PRKN: variants seen among roughly 807,000 people sequenced by gnomAD.
PRKN encodes parkin RBR E3 ubiquitin protein ligase, also known as E3 ubiquitin-protein ligase parkin.
Under a neutral mutation model 59.5 loss-of-function variants are expected in PRKN, and 56 were observed. That is an observed-to-expected ratio of 0.94 (90% CI 0.76 to 1.18). PRKN has a LOEUF of 1.18. Among genes scored for constraint, PRKN ranks in the 50% most tolerant of loss-of-function variants. The pLI, the probability that PRKN is intolerant of heterozygous loss-of-function variation, is 0.00. For synonymous variants in PRKN, 250 were observed against 222.1 expected (o/e 1.13, Z -1.12); for missense variants, 657 against 596.4 (o/e 1.10, Z -1.06).
At chr6:162,469,258 C>T (rs770273072) in intron 1 of PRKN, among the ~76,000 whole-genome samples, 2 of 146,142 alleles carry the variant, frequency 1.4e-5, no homozygotes, top group Admixed American at 7.3e-5. Flanking sequence ...TCGAGATGGA[C>T]ACGAGGATCC....
At chr6:162,144,790 G>A (rs567126085) in intron 4 of PRKN, among the ~76,000 whole-genome samples, 4 of 152,134 alleles carry the variant, frequency 2.6e-5, no homozygotes, top group South Asian at 2.1e-4. Context: ...GTAAAGCTTC[G>A]GCACAGTGGA....
intron 2 of PRKN, among the ~76,000 whole-genome samples, chr6:162,330,289 A>C (rs746016765): frequency 2.6e-5 from 4 of 152,052 alleles, no homozygotes; most frequent in Admixed American, 6.5e-5. Context: ...GAAGCGGCAT[A>C]GTATGGTGGT....
chr6:161,770,898 G>C (rs1185705905), intron 7 of PRKN, among the ~76,000 whole-genome samples: 1 of 152,106 alleles, frequency 6.6e-6, no homozygotes, highest in African/African-American at 2.4e-5. Flanking sequence ...GGAGGACACA[G>C]GCAGGACGAT....
chr6:162,471,136 C>T (rs1020184336), intron 1 of PRKN, among the ~76,000 whole-genome samples: 10 of 151,152 alleles, frequency 6.6e-5, no homozygotes, highest in Non-Finnish European at 1.2e-4. Context: ...TTTTGCTTGT[C>T]ACCCAGGCTG....
At chr6:162,341,227 G>A (rs979480458) in intron 2 of PRKN, among the ~76,000 whole-genome samples, 1 of 152,160 alleles carries the variant, frequency 6.6e-6, no homozygotes, top group Admixed American at 6.5e-5. Flanking sequence ...ATGCCAGTTA[G>A]AATGGGGATC....
At chr6:162,510,904 T>C (rs7767381) in intron 1 of PRKN, among the ~76,000 whole-genome samples, 30,353 of 151,764 alleles carry the variant, frequency 0.2, 3,161 homozygotes, top group South Asian at 0.25. Context: ...CCCTGGGCAA[T>C]AGAGCGAGAC....
chr6:162,420,000 A>G (rs934817359), intron 2 of PRKN, among the ~76,000 whole-genome samples: 5 of 152,148 alleles, frequency 3.3e-5, no homozygotes, highest in Admixed American at 2.6e-4. Flanking sequence ...TTCTCCACAG[A>G]CTGGAGCAGG....
At chr6:161,851,490 T>G (rs1015680737) in intron 6 of PRKN, among the ~76,000 whole-genome samples, 10 of 146,032 alleles carry the variant, frequency 6.8e-5, no homozygotes, top group African/African-American at 1.7e-4. Context: ...GTTTTGTTTG[T>G]TTTTTTTTTG....
intron 9 of PRKN, among the ~76,000 whole-genome samples, chr6:161,496,541 AG>A (rs1777755110): frequency 6.6e-6 from 1 of 152,262 alleles, no homozygotes; most frequent in South Asian, 2.1e-4. Context: ...GAGCATGTGC[AG>A]GGGACCTCCC....
At chr6:161,653,018 T>G (rs553029166) in intron 7 of PRKN, among the ~76,000 whole-genome samples, 26 of 152,340 alleles carry the variant, frequency 1.7e-4, no homozygotes, top group Middle Eastern at 6.8e-3. Flanking sequence ...TCGGAATCAA[T>G]GTTGACTTAT....
chr6:161,668,252 GT>G (rs1388494777), intron 7 of PRKN, among the ~76,000 whole-genome samples: 41 of 143,996 alleles, frequency 2.8e-4, no homozygotes, highest in African/African-American at 1.0e-3. Flanking sequence ...GAAGAAACAG[GT>G]TTTTCATATA....
chr6:162,229,324 T>C (rs77063901), intron 3 of PRKN, among the ~76,000 whole-genome samples: 2,078 of 152,266 alleles, frequency 0.014, 32 homozygotes, highest in African/African-American at 0.038. Flanking sequence ...ATTCAGCTTC[T>C]AATCCATCAA....
intron 1 of PRKN, among the ~76,000 whole-genome samples, chr6:162,529,555 C>T (rs1396309375): frequency 6.6e-6 from 1 of 152,132 alleles, no homozygotes; most frequent in African/African-American, 2.4e-5. Context: ...CCGCCAAGTT[C>T]GAGGAAGCTG....
At chr6:162,524,852 G>A (rs73037964) in intron 1 of PRKN, among the ~76,000 whole-genome samples, 13,611 of 152,128 alleles carry the variant, frequency 0.089, 659 homozygotes, top group South Asian at 0.17. Context: ...CCTCTAAAAA[G>A]AATTCTTGTG....
rs556552078 is a variant in PRKN, at chr6:162,028,430, C to T, written c.618+25661G>A. ...GGGCGAGGCAGGGGAAGACAAGCTG[C>T]AGGTGCATCTTTGCTGGTTCTATCT... On this transcript the variant is annotated intron_variant, in intron 5 of 11. Coordinates refer to ENST00000366898, the MANE Select transcript of PRKN (RefSeq NM_004562.3). Among the ~76,000 whole-genome samples the T allele has an allele frequency of 1.5e-3, 233 of 152,288 alleles. 2 individuals carry two copies. Among genetic ancestry groups the T allele is most frequent in the Non-Finnish European group, 7.9e-4 (54 of 68,032 alleles).
At chr6:161,665,022 G>A (rs150409097) in intron 7 of PRKN, among the ~76,000 whole-genome samples, 5,333 of 151,890 alleles carry the variant, frequency 0.035, 138 homozygotes, top group Middle Eastern at 0.058. Flanking sequence ...TCCTGACCTC[G>A]TGATCCACCC....
intron 7 of PRKN, among the ~76,000 whole-genome samples, chr6:161,721,673 C>G (rs183719283): frequency 2.6e-5 from 4 of 152,222 alleles, no homozygotes; most frequent in Non-Finnish European, 4.4e-5. Context: ...GGGTCCCCCC[C>G]GTGCTGGGGC....
In PRKN at chr6:162,287,471, G is replaced by A. The variant is rs1042415883; in HGVS notation, c.172-24706C>T. Among the ~76,000 whole-genome samples, 59 of 152,156 alleles carry A rather than the reference G, an allele frequency of 3.9e-4. 1 individual carries two copies. The highest frequency in any genetic ancestry group is 3.2e-3 in the Admixed American group (49 of 15,278). On this transcript the variant is annotated intron_variant, in intron 2 of 11. Coordinates refer to ENST00000366898, the MANE Select transcript of PRKN (RefSeq NM_004562.3). The stretch of plus-strand genomic sequence containing the variant: ...TGGCCCCAGATACTCAGGAGGCTGA[G>A]GTGGGAGGATCGCTTGAGTCTGGGA...
rs533225742 is a variant in PRKN at position 162,022,084 on chromosome 6, T to C, written c.618+32007A>G. Among the ~76,000 whole-genome samples, 404 of 152,312 alleles carry C rather than the reference T, an allele frequency of 2.7e-3. 4 individuals are homozygous for C. Among genetic ancestry groups the C allele is most frequent in the African/African-American group, 9.6e-3 (400 of 41,570 alleles). ...TGGTGTATATGTACCACATTTTCTT[T>C]ATCCAATCTACCATTGATGGGCATT... is the stretch of plus-strand genomic sequence containing the variant. On this transcript the variant is annotated intron_variant, in intron 5 of 11. Coordinates refer to ENST00000366898, the MANE Select transcript of PRKN (RefSeq NM_004562.3).
Sources: allele counts gnomAD v4.1 joint callset (sites outside exome capture counted in the v4.1 genomes callset), GRCh38; gene constraint gnomAD v4.1.1; transcripts MANE v1.5; gene names NCBI Gene and HGNC (gene_info 2026-07-23, HGNC 2026-07-21).